The following DIP2A variants were observed in gnomAD, a reference collection of about 807,000 sequenced individuals.
DIP2A encodes the protein disco-interacting protein 2 homolog A.
In DIP2A, 85 loss-of-function variants were observed where a neutral mutation model predicts 177.4. The ratio of observed to expected loss-of-function variants is 0.48; its 90% confidence interval spans 0.40 to 0.57. The LOEUF (loss-of-function observed/expected upper bound fraction) is 0.57, where lower values mean the gene tolerates loss of function less well. DIP2A is among the 20% of genes least tolerant of loss of function. DIP2A has a pLI of 0.00. For synonymous variants in DIP2A, 886 were observed against 881.8 expected (o/e 1.00, Z -0.08); for missense variants, 1,791 against 2,100.2 (o/e 0.85, Z 2.88).
the DIP2A span, among the ~76,000 whole-genome samples, chr21:46,578,118 C>G: frequency 6.6e-6 from 1 of 152,160 alleles, no homozygotes; most frequent in African/African-American, 2.4e-5. Context: ...TCAAGACCAT[C>G]CTGGCCAACA....
At chr21:46,578,043 G>T in the DIP2A span, among the ~76,000 whole-genome samples, 1 of 152,178 alleles carries the variant, frequency 6.6e-6, no homozygotes, top group African/African-American at 2.4e-5. Flanking sequence ...GCTGGGCGTG[G>T]TGGCTCACAC....
the DIP2A span, among the ~76,000 whole-genome samples, chr21:46,581,462 C>T: frequency 6.6e-6 from 1 of 152,206 alleles, no homozygotes; most frequent in South Asian, 2.1e-4. Context: ...TCATCCATCT[C>T]AGCCTCTGTC....
At chr21:46,484,201 T>A (rs1266523721) in intron 1 of DIP2A, among the ~76,000 whole-genome samples, 1 of 152,184 alleles carries the variant, frequency 6.6e-6, no homozygotes, top group Non-Finnish European at 1.5e-5. Context: ...ATTCTGTCAG[T>A]TTGGGATATG....
the DIP2A span, among the ~76,000 whole-genome samples, chr21:46,578,079 C>A: frequency 1.3e-5 from 2 of 152,030 alleles, no homozygotes; most frequent in Non-Finnish European, 2.9e-5. Context: ...TTTAGGAGGC[C>A]GAGGTGGGTG....
rs549149000 is a variant in DIP2A at position 46,479,602 on chromosome 21, C to T, written c.92-5155C>T. ...GTGCAGTGGTGCGATCATAGCTCAC[C>T]GCAGCCTCGAACTCCTGGGCTCAAG... On this transcript the variant is annotated intron_variant, in intron 1 of 37. Coordinates refer to ENST00000417564, the MANE Select transcript of DIP2A (RefSeq NM_015151.4). Among the ~76,000 whole-genome samples, 22 of 152,168 alleles carry T rather than the reference C, an allele frequency of 1.4e-4. 1 individual carries two copies. The highest frequency in any genetic ancestry group is 6.8e-3 in the Middle Eastern group (2 of 294).
At position 46,550,443 on chromosome 21, in the gene DIP2A, C is replaced by G. The variant is rs1301107674; in HGVS notation, c.2638-100C>G. 1.2e-5 allele frequency: 14 copies of G among 1,169,298 alleles called. No individual in the cohort carries two copies. The Admixed American group carries it at 3.0e-4, about 25-fold the overall frequency. The allele number at this position is 1,169,298 out of a possible 1,614,324, so 72.4% of individuals were successfully genotyped here. On this transcript the variant is annotated intron_variant, in intron 22 of 37. Coordinates refer to ENST00000417564, the MANE Select transcript of DIP2A (RefSeq NM_015151.4). ...TCCAGAGGGCATTCCATTTCCTGGC[C>G]TGGGGAACAGGTCCACAGAGGGGAT... is the stretch of plus-strand genomic sequence containing the variant.
chr21:46,549,960 T>G (rs768539723), intron 22 of DIP2A, 75 bp downstream of exon 22: 1 of 1,593,202 alleles, frequency 6.3e-7, no homozygotes, highest in Admixed American at 1.7e-5. Context: ...AAGTGCCAAG[T>G]GGTTGGCTTG....
chr21:46,538,627 C>A, intron 16 of DIP2A, 25 bp downstream of exon 16: 1 of 1,544,738 alleles, frequency 6.5e-7, no homozygotes, highest in Non-Finnish European at 8.7e-7. Context: ...GTGCCCGGCG[C>A]ATACCCCACA....
In DIP2A at chr21:46,539,956, A is replaced by C. The variant is rs2059744516; in HGVS notation, c.2001A>C (p.Ala667=). 1 of 1,613,874 alleles carries C rather than the reference A, an allele frequency of 6.2e-7. No individual in the cohort carries two copies. The highest frequency in any genetic ancestry group is 1.3e-5 in the African/African-American group (1 of 74,934). The change falls in exon 17 of 38, where the codon GCA becomes GCC. Residue 667 remains alanine (A), a synonymous_variant. Coordinates refer to ENST00000417564, the MANE Select transcript of DIP2A (RefSeq NM_015151.4). Reference sequence around the variant, plus strand: ...GGCCAGAGGTCATCTGTCCTTGTGCAAGTTCTCCTGAGGCGCTGACTGTCG... The same window carrying C: ...GGCCAGAGGTCATCTGTCCTTGTGCCAGTTCTCCTGAGGCGCTGACTGTCG... The part of the protein sequence containing the change: ...GLRPEVICPC[A]SSPEALTVAI...
chr21:46,533,504 G>C lies in DIP2A; in HGVS notation c.1306-20G>C. 6.2e-7 allele frequency: 1 copy of C among 1,609,668 alleles called. No individual in the cohort carries two copies. Among genetic ancestry groups the C allele is most frequent in the Non-Finnish European group, 8.5e-7 (1 of 1,178,064 alleles). On this transcript the variant is annotated intron_variant, in intron 10 of 37. Coordinates refer to ENST00000417564, the MANE Select transcript of DIP2A (RefSeq NM_015151.4). ...CTGCTGTGAGCACCCCACCCCACAC[G>C]GTCACTCTGCTTTCTGCAGGATGCA... is the stretch of plus-strand genomic sequence containing the variant.
intron 2 of DIP2A, among the ~76,000 whole-genome samples, chr21:46,489,442 C>T (rs2056883566): frequency 6.6e-6 from 1 of 152,188 alleles, no homozygotes; most frequent in Non-Finnish European, 1.5e-5. Context: ...GGCTCCCCAC[C>T]CCTGCCTGTG....
At chr21:46,502,601 C>T (rs1240166570) in intron 5 of DIP2A, among the ~76,000 whole-genome samples, 1 of 151,920 alleles carries the variant, frequency 6.6e-6, no homozygotes, top group African/African-American at 2.4e-5. Flanking sequence ...GCATGCACCA[C>T]CACGCCTGGA....
chr21:46,459,259 C>T (rs2054055289), intron 1 of DIP2A, 37 bp downstream of exon 1: 3 of 1,490,530 alleles, frequency 2.0e-6, no homozygotes, highest in East Asian at 5.7e-5. Flanking sequence ...CGCGACCCGC[C>T]CTCAGCCCGG....
Position 46,537,551 on chromosome 21 carries a change from C to T in DIP2A, c.1801+12C>T, listed in dbSNP as rs776935979. The T allele has an allele frequency of 4.3e-6, 7 of 1,612,992 alleles. No homozygotes were observed. In the African/African-American group the frequency reaches 8.0e-5, roughly 18 times the overall value. On this transcript the variant is annotated intron_variant, in intron 15 of 37. Transcript: ENST00000417564. The surrounding 1 kb of genome is among the most constrained non-coding windows in gnomAD (Gnocchi z 4.1). ...GTGCTTCTATAAAGGTAACGGATAC[C>T]ATGGTCAGGGCCTTCACCCTTCTTT...
chr21:46,575,404 A>G, the DIP2A span, among the ~76,000 whole-genome samples: 1 of 152,156 alleles, frequency 6.6e-6, no homozygotes. Flanking sequence ...CTTCCACTCA[A>G]CACAGAACTG....
At chr21:46,510,866 C>A (rs1320704268) in intron 7 of DIP2A, among the ~76,000 whole-genome samples, 1 of 152,062 alleles carries the variant, frequency 6.6e-6, no homozygotes, top group Admixed American at 6.5e-5. Flanking sequence ...ATCTCCTGAC[C>A]TCATGATCCA....
downstream of DIP2A, among the ~76,000 whole-genome samples, chr21:46,573,645 C>CAAAAAAAAAAAAAAA (rs201994694): frequency 6.0e-4 from 32 of 52,972 alleles, 1 homozygote; most frequent in South Asian, 1.5e-3. Context: ...CCCTCTCTCA[C>CAAAAAAAAAAAAAAA]AAAAAAAAAA....
In DIP2A at chr21:46,522,652, T is replaced by A. The variant is rs145371767; in HGVS notation, c.1103-6440T>A. ...ACTGCCATTAGCTACCCCCAAAGTATATTTCCTCCCTAGTTATTACACCAG... is the reference window on the plus strand; with the variant it reads ...ACTGCCATTAGCTACCCCCAAAGTAAATTTCCTCCCTAGTTATTACACCAG... On this transcript the variant is annotated intron_variant, in intron 8 of 37. Coordinates refer to ENST00000417564, the MANE Select transcript of DIP2A (RefSeq NM_015151.4). Among the ~76,000 whole-genome samples the A allele has an allele frequency of 5.4e-3, 823 of 152,280 alleles. 3 individuals are homozygous for A. Among genetic ancestry groups the A allele is most frequent in the Middle Eastern group, 0.01 (3 of 294 alleles).
intron 1 of DIP2A, among the ~76,000 whole-genome samples, chr21:46,477,541 A>ATTTT (rs201823901): frequency 1.2e-4 from 12 of 99,286 alleles, no homozygotes; most frequent in Admixed American, 2.1e-4. Context: ...AAAAAAAAAG[A>ATTTT]TTTGTGTGTG....
Sources: gnomAD v4.1 joint callset for allele counts (sites outside exome capture counted in the v4.1 genomes callset) on GRCh38, gnomAD v4.1.1 for gene constraint, Gnocchi (gnomAD v3.1) non-coding constraint, MANE v1.5 for transcripts, NCBI Gene and HGNC (gene_info 2026-07-23, HGNC 2026-07-21) for gene names.